The following DST variants were observed in gnomAD, a reference collection of about 807,000 sequenced individuals.
DST encodes the protein bullous pemphigoid antigen.
In DST, 253 loss-of-function variants were observed where a neutral mutation model predicts 875.2. The observed-to-expected ratio is 0.29, with a 90% CI of 0.26 to 0.32. The LOEUF (loss-of-function observed/expected upper bound fraction) is 0.32. DST is among the 10% of genes least tolerant of loss of function. The pLI, the probability that DST is intolerant of heterozygous loss-of-function variation, is 1.00. For synonymous variants in DST, 3,124 were observed against 3,197.1 expected, an observed-to-expected ratio of 0.98 and a Z score of 0.77; for missense variants, 8,287 against 9,111.6, an observed-to-expected ratio of 0.91 and a Z score of 3.68.
intron 45 of DST, among the ~76,000 whole-genome samples, chr6:56,599,228 T>C (rs2152699232): frequency 6.6e-6 from 1 of 152,212 alleles, no homozygotes; most frequent in Non-Finnish European, 1.5e-5. Context: ...GATCTCTCCT[T>C]AGTAGTTATA....
At chr6:56,618,450 A>G in intron 36 of DST, 1 of 1,614,174 alleles carries the variant, frequency 6.2e-7, no homozygotes, top group Non-Finnish European at 8.5e-7. Flanking sequence ...CACTGGAGCA[A>G]AACTAATTGA....
chr6:56,618,462 G>A (rs1244070871), intron 36 of DST: 1 of 1,614,110 alleles, frequency 6.2e-7, no homozygotes, highest in South Asian at 1.1e-5. Flanking sequence ...ACTAATTGAT[G>A]TTCATGCTCT....
intron 97 of DST, among the ~76,000 whole-genome samples, chr6:56,469,564 A>T (rs2094777721): frequency 6.6e-6 from 1 of 152,134 alleles, no homozygotes. Context: ...TGAAATCTGA[A>T]AACTTACCTC....
intron 29 of DST, 98 bp downstream of exon 29, chr6:56,631,785 T>A (rs1587221699): frequency 2.7e-6 from 3 of 1,091,352 alleles, no homozygotes. Context: ...GACTGGCTAG[T>A]GTGAGTGTGC....
At chr6:56,931,129 G>A (rs1809991513) in intron 2 of DST, among the ~76,000 whole-genome samples, 1 of 152,150 alleles carries the variant, frequency 6.6e-6, no homozygotes, top group Admixed American at 6.5e-5. Flanking sequence ...CATTTTGATT[G>A]GAGTTGAGGG....
intron 13 of DST, among the ~76,000 whole-genome samples, chr6:56,647,004 T>C (rs1302303267): frequency 6.6e-6 from 1 of 152,228 alleles, no homozygotes; most frequent in Non-Finnish European, 1.5e-5. Flanking sequence ...TTCCCCATGA[T>C]GTATTTTCTT....
At chr6:56,587,587 G>C (rs531057223) in intron 49 of DST, among the ~76,000 whole-genome samples, 29 of 152,192 alleles carry the variant, frequency 1.9e-4, no homozygotes, top group African/African-American at 6.0e-4. Context: ...CTCGAGAGGA[G>C]CAACTCCAAG....
intron 4 of DST, among the ~76,000 whole-genome samples, chr6:56,848,953 A>AC (rs112401276): frequency 0.23 from 34,814 of 151,212 alleles, 5,042 homozygotes; most frequent in African/African-American, 0.4. Flanking sequence ...GGCAGGAGAA[A>AC]ACTTGAACCC....
chr6:56,924,630 G>A (rs1806076157), intron 2 of DST, among the ~76,000 whole-genome samples: 1 of 152,076 alleles, frequency 6.6e-6, no homozygotes, highest in Non-Finnish European at 1.5e-5. Flanking sequence ...CTCTTATGGT[G>A]AAGGAAATTT....
At chr6:56,581,051 TAAAAAA>T (rs771314105) in intron 49 of DST, among the ~76,000 whole-genome samples, 1 of 90,702 alleles carries the variant, frequency 1.1e-5, no homozygotes, top group African/African-American at 4.9e-5. Context: ...TGGCATTTAT[TAAAAAA>T]AAAAAAAAAA....
At chr6:56,866,193 T>C (rs1439563783) in intron 3 of DST, among the ~76,000 whole-genome samples, 1 of 152,016 alleles carries the variant, frequency 6.6e-6, no homozygotes, top group Admixed American at 6.5e-5. Flanking sequence ...ATGGGCCAAC[T>C]CACTATGTTG....
In DST at chr6:56,603,220, C is replaced by T. The variant is rs1450551648; in HGVS notation, c.11142G>A (p.Ala3714=). Residue 3714 remains alanine (A), a synonymous_variant, in exon 42 of 104, where the codon GCG becomes GCA. Transcript: ENST00000680361. ...TTATGCCTACCATTTCAGAGTCGAT[C>T]GCAAGCATGATCTGTTTCGTTCTTT... The part of the protein sequence containing the change: ...SSERTKQIML[A]IDSEMSKLAV... The T allele has an allele frequency of 3.7e-6, 6 of 1,601,240 alleles. No homozygotes were observed. Among genetic ancestry groups the T allele is most frequent in the East Asian group, 2.2e-5 (1 of 44,490 alleles).
At chr6:56,926,442 C>G (rs984708229) in intron 2 of DST, among the ~76,000 whole-genome samples, 1 of 152,034 alleles carries the variant, frequency 6.6e-6, no homozygotes. Flanking sequence ...CTCAGGAGAC[C>G]GTAAGGGGAA....
chr6:56,678,917 C>T (rs2099143749), intron 9 of DST, among the ~76,000 whole-genome samples: 2 of 152,110 alleles, frequency 1.3e-5, no homozygotes, highest in Admixed American at 1.3e-4. Flanking sequence ...CTTGTCATTT[C>T]TCTAAAAATG....
intron 97 of DST, 41 bp from the exon 98 acceptor site, chr6:56,469,040 A>C: frequency 6.6e-7 from 1 of 1,517,830 alleles, no homozygotes; most frequent in East Asian, 2.4e-5. Flanking sequence ...CAATTAGTTC[A>C]ACAGGAAACT....
At chr6:56,461,207 AAT>A (rs1212252265) in intron 102 of DST, 4 of 151,496 alleles carry the variant, frequency 2.6e-5, no homozygotes, top group African/African-American at 4.9e-5. Context: ...TATTAATATT[AAT>A]AGTCATTTAT....
In DST at chr6:56,606,777, CA is replaced by C; in HGVS notation, c.7850del (p.Leu2617CysfsTer63). ...AAGAATCATGGTCATCATCTTCAAA[CA>C]AGGGAGTATCATAAAAATCATCATC... ...DSDDDFYDTP[L>X]FEDDDHDSLL... On this transcript the variant is annotated frameshift_variant, in exon 40 of 104. Transcript: ENST00000680361. LOFTEE classifies it high-confidence loss of function. 1 of 1,613,272 alleles carries C rather than the reference CA, an allele frequency of 6.2e-7. No homozygotes were observed. Among genetic ancestry groups the C allele is most frequent in the Non-Finnish European group, 8.5e-7 (1 of 1,179,584 alleles).
intron 4 of DST, among the ~76,000 whole-genome samples, chr6:56,805,342 C>T (rs905417755): frequency 1.3e-5 from 2 of 151,988 alleles, no homozygotes; most frequent in Non-Finnish European, 2.9e-5. Context: ...ACAAAATTTC[C>T]ATGTTATCTT....
chr6:56,616,750 T>C, intron 36 of DST: 1 of 1,614,232 alleles, frequency 6.2e-7, no homozygotes, highest in Non-Finnish European at 8.5e-7. Context: ...GTTTACCTTT[T>C]TGTCTGTCAA....
Sources: allele counts gnomAD v4.1 joint callset (sites outside exome capture counted in the v4.1 genomes callset), GRCh38; gene constraint gnomAD v4.1.1; transcripts MANE v1.5; gene names NCBI Gene and HGNC (gene_info 2026-07-23, HGNC 2026-07-21).